PAXBP1: variants seen among roughly 807,000 people sequenced by gnomAD.
PAXBP1 encodes the protein PAX3 and PAX7 binding protein 1, also known as PAX3- and PAX7-binding protein 1.
In PAXBP1, 44 loss-of-function variants were observed where a neutral mutation model predicts 119.9. That is an observed-to-expected ratio of 0.37 (90% CI 0.29 to 0.47). The LOEUF (loss-of-function observed/expected upper bound fraction) is 0.47. PAXBP1 is among the 20% of genes least tolerant of loss of function. The probability of loss-of-function intolerance (pLI) is 0.99; values close to 1 mark genes in which losing one functional copy is unlikely to be tolerated. For synonymous variants in PAXBP1, 393 were observed against 406.6 expected (o/e 0.97, Z 0.40); for missense variants, 898 against 1,134.1 (o/e 0.79, Z 2.99).
At chr21:32,760,031 T>C (rs1300718635) in intron 5 of PAXBP1, 37 bp from the exon 6 acceptor site, 1 of 1,524,778 alleles carries the variant, frequency 6.6e-7, no homozygotes, top group Non-Finnish European at 9.0e-7. Flanking sequence ...AATCTGGTAG[T>C]TAAAACTTTG....
rs78056479 is a variant in PAXBP1, at chr21:32,771,650, G to T, written c.19C>A (p.Arg7=). 2 of 1,429,238 alleles carry T rather than the reference G, an allele frequency of 1.4e-6. No homozygotes were observed. The highest frequency in any genetic ancestry group is 5.5e-5 in the Admixed American group (2 of 36,584). The allele number at this position is 1,429,238 out of a possible 1,614,324, so 88.5% of individuals were successfully genotyped here. MFRKAR[R]VNVRKRNDSE... ...TCGTTCCGCTTGCGCACGTTCACCC[G>T]CCGGGCCTTTCGGAACATCCCCGCG... Residue 7 remains arginine, a synonymous_variant, in exon 1 of 18, where the codon CGG becomes AGG. Coordinates refer to ENST00000331923, the MANE Select transcript of PAXBP1 (RefSeq NM_016631.4).
intron 17 of PAXBP1, 135 bp from the exon 18 acceptor site, chr21:32,735,202 A>G (rs2043676042): frequency 6.2e-6 from 4 of 644,106 alleles, no homozygotes; most frequent in South Asian, 3.9e-5. Context: ...GGAAACAGAT[A>G]TGCAAGCTAC....
intron 7 of PAXBP1, among the ~76,000 whole-genome samples, chr21:32,758,409 T>C (rs548501214): frequency 6.6e-6 from 1 of 151,298 alleles, no homozygotes; most frequent in Non-Finnish European, 1.5e-5. Flanking sequence ...AGAAAAAAAA[T>C]CAATTAGGAG....
At chr21:32,756,411 G>A in intron 7 of PAXBP1, 1 of 491,218 alleles carries the variant, frequency 2.0e-6, no homozygotes, top group South Asian at 1.5e-5. Flanking sequence ...ATACAGAGAT[G>A]TCTGTAATAA....
At position 32,745,604 on chromosome 21, in the gene PAXBP1, C is replaced by T; in HGVS notation, c.2038G>A (p.Val680Met). The part of the protein sequence containing the change: ...DVDVALLPTI[V>M]EKVILPKLTV... ...AGTTTAGGAAGAATCACCTTTTCCA[C>T]AATGGTAGGTAGTAGGGCAACATCT... The change falls in exon 12 of 18, where the codon GTG becomes ATG. Residue 680 changes from valine (V) to methionine (M), a missense_variant. Physicochemically the swap from Val to Met is conservative, Grantham distance 21 (BLOSUM62 1). Transcript: ENST00000331923. 1 of 1,613,996 alleles carries T rather than the reference C, an allele frequency of 6.2e-7. No homozygotes were observed.
chr21:32,764,620 T>G, intron 2 of PAXBP1, 96 bp from the exon 3 acceptor site: 2 of 966,648 alleles, frequency 2.1e-6, no homozygotes. Flanking sequence ...ATTTTTTTAA[T>G]TAAAAAAAGG....
Position 32,743,735 on chromosome 21 carries a change from A to G in PAXBP1, c.2210T>C (p.Leu737Ser), listed in dbSNP as rs1223946182. ...ATCTAAAGTTCTTCTCATTCTCAAT[A>G]AAAGTGCCTTTAGGTATACCTAAAA... is the stretch of plus-strand genomic sequence containing the variant. The part of the protein sequence containing the change: ...KNTQVYLKAL[L>S]LRMRRTLDDD... Residue 737 changes from leucine (L) to serine (S), a missense_variant, in exon 14 of 18, where the codon TTA becomes TCA. Physicochemically the swap from Leu to Ser is moderately radical, Grantham distance 145. This residue lies in a region of PAXBP1 where 599 missense variants were observed against 852.7 expected (regional missense o/e 0.70). Transcript: ENST00000331923. 1.9e-6 allele frequency: 3 copies of G among 1,593,590 alleles called. No homozygotes were observed. The African/African-American group carries it at 4.0e-5, about 21-fold the overall frequency.
In PAXBP1 at chr21:32,762,107, G is replaced by A. The variant is rs887753019; in HGVS notation, c.860C>T (p.Ala287Val). The A allele has an allele frequency of 1.2e-6, 2 of 1,613,982 alleles. No homozygotes were observed. The highest frequency in any genetic ancestry group is 3.3e-5 in the Admixed American group (2 of 59,984). ...TTAAATCAAGTTACCTATTTCCTCA[G>A]CAATTTTTTGTCTTTGTGACTTTTC... is the stretch of plus-strand genomic sequence containing the variant. Reference protein sequence around the residue: ...VKEKSQRQKIAEEIGIEGSDD... With the variant: ...VKEKSQRQKIVEEIGIEGSDD... Residue 287 changes from alanine to valine, a missense_variant, in exon 4 of 18, where the codon GCT (alanine) becomes GTT (valine). Physicochemically the swap from Ala to Val is moderately conservative, Grantham distance 64. Coordinates refer to ENST00000331923, the MANE Select transcript of PAXBP1 (RefSeq NM_016631.4).
chr21:32,738,989 T>C (rs1287177086), intron 15 of PAXBP1, among the ~76,000 whole-genome samples: 1 of 152,186 alleles, frequency 6.6e-6, no homozygotes, highest in African/African-American at 2.4e-5. Flanking sequence ...AGTCTGTCCA[T>C]TTCCCTCAGT....
chr21:32,741,402 G>A, intron 15 of PAXBP1: 1 of 504,134 alleles, frequency 2.0e-6, no homozygotes, highest in African/African-American at 2.0e-5. Flanking sequence ...ACAGCCTTCA[G>A]AATGAAGACC....
rs1713360422 is a variant in PAXBP1, at chr21:32,743,759, A to G, written c.2191-5T>C. 1 of 1,491,032 alleles carries G rather than the reference A, an allele frequency of 6.7e-7. No individual in the cohort carries two copies. The highest frequency in any genetic ancestry group is 9.3e-7 in the Non-Finnish European group (1 of 1,081,016). 92.4% of individuals were successfully genotyped at this position (1,491,032 alleles called of 1,614,324 possible). ...TAAAAGTGCCTTTAGGTATACCTAAAAAGTTAAAAGTAGATCACACATTTT... is the reference window on the plus strand; with the variant it reads ...TAAAAGTGCCTTTAGGTATACCTAAGAAGTTAAAAGTAGATCACACATTTT... On this transcript the variant is annotated splice_polypyrimidine_tract_variant and splice_region_variant and intron_variant, in intron 13 of 17. Transcript: ENST00000331923.
At chr21:32,767,716 G>A (rs970018355) in intron 2 of PAXBP1, among the ~76,000 whole-genome samples, 12 of 152,218 alleles carry the variant, frequency 7.9e-5, no homozygotes, top group East Asian at 1.9e-4. Context: ...TGTAAAAAGT[G>A]CCTTTCACCT....
At chr21:32,751,307 G>T in intron 8 of PAXBP1, 89 bp from the exon 9 acceptor site, 1 of 1,204,640 alleles carries the variant, frequency 8.3e-7, no homozygotes, top group Non-Finnish European at 1.2e-6. Context: ...ACGACAGACT[G>T]CTTGCTAATC....
chr21:32,758,766 T>C (rs942987867), intron 7 of PAXBP1, among the ~76,000 whole-genome samples: 5 of 151,986 alleles, frequency 3.3e-5, no homozygotes, highest in Admixed American at 1.3e-4. Context: ...TTTTATCAGA[T>C]GAGTCCCTTA....
chr21:32,744,235 A>G (rs1003116683), intron 13 of PAXBP1, among the ~76,000 whole-genome samples: 1 of 149,358 alleles, frequency 6.7e-6, no homozygotes, highest in Non-Finnish European at 1.5e-5. Flanking sequence ...ATAAAATACA[A>G]TGACACTAAT....
intron 2 of PAXBP1, among the ~76,000 whole-genome samples, chr21:32,767,686 A>AT (rs1388028428): frequency 6.6e-6 from 1 of 151,768 alleles, no homozygotes; most frequent in Non-Finnish European, 1.5e-5. Flanking sequence ...CTTCCTCCTC[A>AT]TTTTCTCTTG....
At position 32,735,150 on chromosome 21, in the gene PAXBP1, G is replaced by A. The variant is rs891523829; in HGVS notation, c.2637-83C>T. 34 of 872,226 alleles carry A rather than the reference G, an allele frequency of 3.9e-5. 1 individual carries two copies. Among genetic ancestry groups the A allele is most frequent in the South Asian group, 3.7e-4 (24 of 64,252 alleles). The allele number at this position is 872,226 out of a possible 1,614,324, so 54.0% of individuals were successfully genotyped here. A position where few individuals can be genotyped will look rare whatever the true frequency, so the allele number is the denominator to read the frequency against. On this transcript the variant is annotated intron_variant, in intron 17 of 17. Coordinates refer to ENST00000331923, the MANE Select transcript of PAXBP1 (RefSeq NM_016631.4). ...CTACTGATTTCATGGCTATTTTAGA[G>A]CTTCTGCAATCAATTTTTCCAAGCA...
intron 2 of PAXBP1, among the ~76,000 whole-genome samples, chr21:32,766,813 C>T (rs1165997107): frequency 6.6e-6 from 1 of 152,226 alleles, no homozygotes; most frequent in Non-Finnish European, 1.5e-5. Flanking sequence ...TCCCATCCAT[C>T]CTGTCAGAAG....
chr21:32,760,157 G>T (rs1031504794), intron 5 of PAXBP1, among the ~76,000 whole-genome samples, 163 bp from the exon 6 acceptor site: 1 of 152,154 alleles, frequency 6.6e-6, no homozygotes, highest in Non-Finnish European at 1.5e-5. Context: ...AGGATTGAAT[G>T]AATGTCCTAT....
Sources: allele counts gnomAD v4.1 joint callset (sites outside exome capture counted in the v4.1 genomes callset), GRCh38; gene constraint gnomAD v4.1.1; regional missense constraint gnomAD v4.1.1; transcripts MANE v1.5; gene names NCBI Gene and HGNC (gene_info 2026-07-23, HGNC 2026-07-21).